Variants in NFIB observed in about 807,000 individuals in gnomAD.
NFIB encodes the protein nuclear factor I B.
In NFIB, 11 loss-of-function variants were observed where a neutral mutation model predicts 61.5. The ratio of observed to expected loss-of-function variants is 0.18; its 90% CI spans 0.11 to 0.30. The LOEUF (loss-of-function observed/expected upper bound fraction) is 0.30, where lower values mean the gene tolerates loss of function less well. NFIB is among the 10% of genes least tolerant of loss of function. NFIB has a pLI of 1.00. For missense variants in NFIB, 471 were observed against 608.9 expected, an observed-to-expected ratio of 0.77 and a Z score of 2.38; for synonymous variants, 260 against 216.5, an observed-to-expected ratio of 1.20 and a Z score of -1.76.
At chr9:14,470,454 C>A in the NFIB span, among the ~76,000 whole-genome samples, 38 of 152,222 alleles carry the variant, frequency 2.5e-4, no homozygotes, top group African/African-American at 8.7e-4. Context: ...GTTTGCCCCC[C>A]TGAAAAAGAG....
chr9:14,431,928 T>C, the NFIB span, among the ~76,000 whole-genome samples: 1 of 152,164 alleles, frequency 6.6e-6, no homozygotes, highest in African/African-American at 2.4e-5. Context: ...TGTTAGTAGT[T>C]TGGCAACTGA....
At chr9:14,115,573 G>C (rs1203223016) in intron 9 of NFIB, among the ~76,000 whole-genome samples, 4 of 151,248 alleles carry the variant, frequency 2.6e-5, no homozygotes, top group Admixed American at 2.0e-4. Flanking sequence ...ACACTAAAAA[G>C]CACAGTATTT....
chr9:14,300,728 T>G (rs955916545), intron 2 of NFIB, among the ~76,000 whole-genome samples: 1 of 152,204 alleles, frequency 6.6e-6, no homozygotes, highest in Non-Finnish European at 1.5e-5. Context: ...TCCTGTGAAT[T>G]CTGACATAAC....
At chr9:14,530,861 C>T in the NFIB span, among the ~76,000 whole-genome samples, 7 of 142,066 alleles carry the variant, frequency 4.9e-5, no homozygotes, top group Non-Finnish European at 9.2e-5. Context: ...TCGAAGCAAA[C>T]GAGTAAAAGC....
At position 14,308,325 on chromosome 9, in the gene NFIB, A is replaced by AACACACATACACACACACACACACACAC. The variant is rs1563997010; in HGVS notation, c.31-806_31-805insGTGTGTGTGTGTGTGTGTGTATGTGTGT. Among the ~76,000 whole-genome samples, 8 of 150,940 alleles carry AACACACATACACACACACACACACACAC rather than the reference A, an allele frequency of 5.3e-5. No homozygotes were observed. In the South Asian group the frequency reaches 1.7e-3, roughly 32 times the overall value. ...CCCCACACTACCAACGCCAGCTCCC[A>AACACACATACACACACACACACACACAC]ACACACACACACACACACTTGCACT... On this transcript the variant is annotated intron_variant, in intron 1 of 10. Transcript: ENST00000380953.
chr9:14,383,296 A>G (rs562518855), intron 1 of NFIB, among the ~76,000 whole-genome samples: 33 of 152,328 alleles, frequency 2.2e-4, no homozygotes, highest in African/African-American at 7.7e-4. Context: ...GAGGGCCCAG[A>G]TACTGAAATA....
chr9:14,129,373 A>C (rs2040107325), intron 6 of NFIB, among the ~76,000 whole-genome samples: 1 of 150,816 alleles, frequency 6.6e-6, no homozygotes, highest in Non-Finnish European at 1.5e-5. Flanking sequence ...AAGATACAAA[A>C]GTGAATCCCC....
chr9:14,363,114 A>G (rs1402353259), intron 1 of NFIB, among the ~76,000 whole-genome samples: 4 of 152,210 alleles, frequency 2.6e-5, no homozygotes, highest in African/African-American at 9.7e-5. Context: ...GAGAAATTGC[A>G]TCAAACTGAG....
chr9:14,403,294 T>C (rs182656182), upstream of NFIB, among the ~76,000 whole-genome samples: 1 of 152,162 alleles, frequency 6.6e-6, no homozygotes, highest in Non-Finnish European at 1.5e-5. Flanking sequence ...TAAGAGACGA[T>C]AGGTTTTTGC....
intron 3 of NFIB, 43 bp from the exon 4 acceptor site, chr9:14,155,936 A>C: frequency 8.1e-7 from 1 of 1,228,296 alleles, no homozygotes; most frequent in African/African-American, 1.5e-5. Context: ...TATAAGCAGA[A>C]AGTAAAATAA....
At chr9:14,187,193 G>A (rs952580334) in intron 2 of NFIB, among the ~76,000 whole-genome samples, 2 of 152,028 alleles carry the variant, frequency 1.3e-5, no homozygotes, top group Non-Finnish European at 1.5e-5. Flanking sequence ...AGCTGTTCAT[G>A]AAAAGTTTTA....
At chr9:14,242,136 A>G (rs188850619) in intron 2 of NFIB, among the ~76,000 whole-genome samples, 11 of 152,356 alleles carry the variant, frequency 7.2e-5, no homozygotes, top group Admixed American at 1.3e-4. Context: ...CAAAAGTTTT[A>G]AGATTCTCTG....
chr9:14,511,810 T>C, the NFIB span, among the ~76,000 whole-genome samples: 1 of 152,228 alleles, frequency 6.6e-6, no homozygotes, highest in Non-Finnish European at 1.5e-5. Flanking sequence ...ACATTTATAA[T>C]ATGTTTTGAT....
chr9:14,260,231 T>C (rs1197036247), intron 2 of NFIB, among the ~76,000 whole-genome samples: 1 of 151,914 alleles, frequency 6.6e-6, no homozygotes, highest in Non-Finnish European at 1.5e-5. Context: ...CTCACTGGAG[T>C]TCTGAGACAG....
At chr9:14,511,697 G>A in the NFIB span, among the ~76,000 whole-genome samples, 2 of 152,178 alleles carry the variant, frequency 1.3e-5, no homozygotes, top group African/African-American at 4.8e-5. Context: ...AATGTATTCT[G>A]AATGCTTCTA....
chr9:14,495,446 C>CT, the NFIB span, among the ~76,000 whole-genome samples: 898 of 117,250 alleles, frequency 7.7e-3, 66 homozygotes, highest in African/African-American at 0.025. Context: ...GAGAAATGAA[C>CT]TTTTTTTTTT....
At chr9:14,385,204 C>T (rs2061535657) in intron 1 of NFIB, among the ~76,000 whole-genome samples, 1 of 152,182 alleles carries the variant, frequency 6.6e-6, no homozygotes, top group Non-Finnish European at 1.5e-5. Flanking sequence ...TTCACCCACT[C>T]AGCCGATGAG....
the NFIB span, among the ~76,000 whole-genome samples, chr9:14,431,994 A>G: frequency 6.6e-6 from 1 of 152,182 alleles, no homozygotes; most frequent in East Asian, 1.9e-4. Flanking sequence ...ATGCAGTGGG[A>G]AAAGCTTCTG....
chr9:14,126,418 G>C (rs1487742575), intron 6 of NFIB, among the ~76,000 whole-genome samples: 11 of 152,264 alleles, frequency 7.2e-5, no homozygotes, highest in East Asian at 1.9e-4. Context: ...TGTGTGTTGA[G>C]AGCAGGGAAG....
Sources: allele counts gnomAD v4.1 joint callset (sites outside exome capture counted in the v4.1 genomes callset), GRCh38; gene constraint gnomAD v4.1.1; transcripts MANE v1.5; gene names NCBI Gene and HGNC (gene_info 2026-07-23, HGNC 2026-07-21).